Variants in ESRRG observed in about 807,000 individuals in gnomAD.
ESRRG encodes the protein estrogen related receptor gamma, also known as estrogen-related receptor gamma.
In ESRRG, 13 loss-of-function variants were observed where a neutral mutation model predicts 44.0. That is an observed-to-expected ratio of 0.30 (90% CI 0.19 to 0.47). The LOEUF (loss-of-function observed/expected upper bound fraction) is 0.47. Ranked by LOEUF, ESRRG falls within the 20% of genes least tolerant of loss-of-function variation. The probability of loss-of-function intolerance (pLI) is 1.00; values close to 1 mark genes in which losing one functional copy is unlikely to be tolerated. For synonymous variants in ESRRG, 215 were observed against 214.6 expected, an observed-to-expected ratio of 1.00 and a Z score of -0.02; for missense variants, 395 against 580.6, an observed-to-expected ratio of 0.68 and a Z score of 3.29.
chr1:216,902,379 C>T (rs2059180903), intron 2 of ESRRG, among the ~76,000 whole-genome samples: 1 of 151,872 alleles, frequency 6.6e-6, no homozygotes, highest in Admixed American at 6.6e-5. Flanking sequence ...ATCCTAGCTA[C>T]TTGGGAGGCT....
chr1:217,003,961 T>C (rs558657574), intron 1 of ESRRG, among the ~76,000 whole-genome samples: 1 of 152,054 alleles, frequency 6.6e-6, no homozygotes, highest in African/African-American at 2.4e-5. Flanking sequence ...TATGGTTTGA[T>C]TCACAATGAA....
At chr1:216,585,937 G>C (rs1276510765) in intron 3 of ESRRG, among the ~76,000 whole-genome samples, 1 of 152,136 alleles carries the variant, frequency 6.6e-6, no homozygotes, top group Non-Finnish European at 1.5e-5. Context: ...CTACTCGGGA[G>C]GCTGAGACAG....
chr1:216,858,280 A>AG (rs1172305809), intron 2 of ESRRG, among the ~76,000 whole-genome samples: 5 of 151,684 alleles, frequency 3.3e-5, no homozygotes, highest in African/African-American at 1.2e-4. Flanking sequence ...TACTAAAAAA[A>AG]AAAAAAATTA....
At chr1:216,588,774 A>C (rs2057130451) in intron 3 of ESRRG, among the ~76,000 whole-genome samples, 1 of 152,194 alleles carries the variant, frequency 6.6e-6, no homozygotes, top group South Asian at 2.1e-4. Flanking sequence ...ATTTTTTAAT[A>C]AGAAGAAATA....
chr1:216,524,575 G>A lies in ESRRG; in HGVS notation c.863-5154C>T, dbSNP rs947970714. Among the ~76,000 whole-genome samples, 4 of 152,000 alleles carry A rather than the reference G, an allele frequency of 2.6e-5. 1 individual carries two copies. ...AGATTCAATCACAATTGGGTGAAAT[G>A]TAAGAATAATTGACAAAAATGGAAA... is the stretch of plus-strand genomic sequence containing the variant. On this transcript the variant is annotated intron_variant, in intron 5 of 6. Coordinates refer to ENST00000408911, the MANE Select transcript of ESRRG (RefSeq NM_001438.4).
chr1:216,558,759 C>T (rs961379704), intron 5 of ESRRG, among the ~76,000 whole-genome samples: 6 of 152,048 alleles, frequency 3.9e-5, no homozygotes, highest in South Asian at 4.1e-4. Context: ...CAGAATCATT[C>T]GACCCTTATT....
chr1:217,029,533 T>C (rs1478526727), intron 1 of ESRRG, among the ~76,000 whole-genome samples: 1 of 152,204 alleles, frequency 6.6e-6, no homozygotes, highest in Non-Finnish European at 1.5e-5. Flanking sequence ...TTCTAATATG[T>C]TGCGAAACGC....
At chr1:217,091,513 A>AT (rs2092345047), upstream of ESRRG, among the ~76,000 whole-genome samples, 1 of 152,242 alleles carries the variant, frequency 6.6e-6, no homozygotes, top group South Asian at 2.1e-4. Flanking sequence ...CAGGGAAGAT[A>AT]TTGTAATTAT....
intron 2 of ESRRG, among the ~76,000 whole-genome samples, chr1:216,924,055 C>A (rs1252576373): frequency 6.6e-6 from 1 of 152,110 alleles, no homozygotes; most frequent in African/African-American, 2.4e-5. Flanking sequence ...TGGTGTGATA[C>A]CTTTCCAAAC....
intron 6 of ESRRG, 51 bp from the exon 7 acceptor site, chr1:216,507,234 T>C: frequency 1.6e-6 from 2 of 1,263,736 alleles, no homozygotes; most frequent in South Asian, 1.5e-5. Context: ...ATAGCAAACC[T>C]ATGTAGACTA....
intron 2 of ESRRG, among the ~76,000 whole-genome samples, chr1:216,912,181 AAAAGGAGAGGAGAGG>A (rs1213217713): frequency 2.5e-3 from 40 of 15,974 alleles, no homozygotes; most frequent in Non-Finnish European, 3.0e-3. Flanking sequence ...AAAAGAAAAG[AAAAGGAGAGGAGAGG>A]AGAGGAGAGG....
intron 2 of ESRRG, among the ~76,000 whole-genome samples, chr1:216,768,575 G>T (rs1298908554): frequency 6.6e-6 from 1 of 151,980 alleles, no homozygotes; most frequent in East Asian, 1.9e-4. Flanking sequence ...CTGAAGCCTT[G>T]AACTCCTGGT....
intron 2 of ESRRG, chr1:216,864,537 G>C (rs577712866): frequency 2.0e-5 from 3 of 150,132 alleles, no homozygotes; most frequent in African/African-American, 7.4e-5. Flanking sequence ...CCAAAACAGA[G>C]GTTTAAGGAA....
intron 2 of ESRRG, among the ~76,000 whole-genome samples, chr1:216,746,606 A>T (rs1477005572): frequency 2.0e-5 from 3 of 152,268 alleles, no homozygotes; most frequent in East Asian, 3.9e-4. Context: ...AGATGTATTC[A>T]TTTTTAAAGG....
intron 5 of ESRRG, among the ~76,000 whole-genome samples, chr1:216,555,746 CT>C (rs1265306871): frequency 6.6e-6 from 1 of 152,098 alleles, no homozygotes; most frequent in African/African-American, 2.4e-5. Flanking sequence ...GTGCATTTCA[CT>C]TTGCTGAATA....
At chr1:216,676,766 G>A (rs2076181497) in intron 2 of ESRRG, among the ~76,000 whole-genome samples, 1 of 152,138 alleles carries the variant, frequency 6.6e-6, no homozygotes, top group Non-Finnish European at 1.5e-5. Context: ...AGTCCAATGT[G>A]CATTTGTACA....
intron 2 of ESRRG, among the ~76,000 whole-genome samples, chr1:216,806,410 T>C (rs1375990763): frequency 6.6e-6 from 1 of 152,190 alleles, no homozygotes; most frequent in East Asian, 1.9e-4. Context: ...TAGCTTGAGT[T>C]TGGGAAGGCT....
chr1:217,111,552 T>C (rs542182627), intron 1 of ESRRG, among the ~76,000 whole-genome samples: 12 of 152,310 alleles, frequency 7.9e-5, no homozygotes, highest in Admixed American at 2.6e-4. Flanking sequence ...AAAGTCATCT[T>C]CACAAAGTTG....
rs549440167 is a variant in ESRRG, at chr1:216,642,406, G to GA, written c.589+8566dup. 2.8e-4 allele frequency among the ~76,000 whole-genome samples: 42 copies of GA among 151,458 alleles called. No individual in the cohort carries two copies. The South Asian group carries it at 2.9e-3, about 11-fold the overall frequency. On this transcript the variant is annotated intron_variant, in intron 3 of 6. Transcript: ENST00000408911. Reference sequence around the variant, plus strand: ...TTCAAGTTTCATATCAACAAAACGTGAAAAAAAATCACCATCTAGTAATGC... The same window carrying GA: ...TTCAAGTTTCATATCAACAAAACGTGAAAAAAAAATCACCATCTAGTAATGC...
Sources: allele counts gnomAD v4.1 joint callset (sites outside exome capture counted in the v4.1 genomes callset), GRCh38; gene constraint gnomAD v4.1.1; transcripts MANE v1.5; gene names NCBI Gene and HGNC (gene_info 2026-07-23, HGNC 2026-07-21).